The following BAZ1A variants were observed in gnomAD, a reference collection of about 807,000 sequenced individuals.
The protein encoded by BAZ1A is bromodomain adjacent to zinc finger domain 1A, also known as bromodomain adjacent to zinc finger domain protein 1A.
In BAZ1A, 50 loss-of-function variants were observed where a neutral mutation model predicts 185.2. The ratio of observed to expected loss-of-function variants is 0.27; its 90% CI spans 0.22 to 0.34. BAZ1A has a LOEUF of 0.34. Ranked by LOEUF, BAZ1A falls within the 10% of genes least tolerant of loss-of-function variation. The pLI is 1.00. For synonymous variants in BAZ1A, 571 were observed against 615.6 expected (o/e 0.93, Z 1.07); for missense variants, 1,356 against 1,839.9 (o/e 0.74, Z 4.81).
At position 34,753,204 on chromosome 14, in the gene BAZ1A, C is replaced by T. The variant is rs144717638; in HGVS notation, c.*304G>A. The stretch of plus-strand genomic sequence containing the variant: ...AAAAATCATCAATAACAAAATAAAT[C>T]GTGGGTGAAAAAATATTTTCCAAGA... On this transcript the variant is annotated 3_prime_UTR_variant, in exon 27 of 27. Coordinates refer to ENST00000360310, the MANE Select transcript of BAZ1A (RefSeq NM_013448.3). 17 of 261,738 alleles carry T rather than the reference C, an allele frequency of 6.5e-5. No homozygotes were observed. The highest frequency in any genetic ancestry group is 5.5e-4 in the South Asian group (6 of 10,812). 16.2% of individuals were successfully genotyped at this position (261,738 alleles called of 1,614,324 possible). A position where few individuals can be genotyped will look rare whatever the true frequency, so the allele number is the denominator to read the frequency against.
chr14:34,783,704 T>C (rs1220728965), intron 15 of BAZ1A, 58 bp downstream of exon 15: 5 of 1,563,496 alleles, frequency 3.2e-6, no homozygotes, highest in Non-Finnish European at 4.3e-6. Context: ...GAAATATGGT[T>C]TTAAATGCAA....
In BAZ1A at chr14:34,792,918, A is replaced by C; in HGVS notation, c.1367T>G (p.Val456Gly). The C allele has an allele frequency of 1.2e-6, 2 of 1,602,616 alleles. No homozygotes were observed. The highest frequency in any genetic ancestry group is 1.7e-6 in the Non-Finnish European group (2 of 1,177,364). ...ATTTCCTACAAGAGCTTCCTCTAAT[A>C]CTTCTGTGAATAAAATGTTTAAAAT... ...DEFPDGVTLEVLEEALVGNDS... is the reference protein window; with the variant it reads ...DEFPDGVTLEGLEEALVGNDS... Residue 456 changes from valine to glycine, a missense_variant, in exon 12 of 27, where the codon GTA becomes GGA. Val to Gly is a moderately radical substitution (Grantham distance 109, BLOSUM62 -3). Transcript: ENST00000360310.
chr14:34,872,941 A>AAAAAAAAAAAAAAC (rs1555346584), intron 2 of BAZ1A, among the ~76,000 whole-genome samples: 1 of 122,620 alleles, frequency 8.2e-6, no homozygotes, highest in African/African-American at 3.3e-5. Flanking sequence ...AAAAAAAAAA[A>AAAAAAAAAAAAAAC]CTTGTCCAAT....
rs756824697 is a variant in BAZ1A at position 34,785,811 on chromosome 14, TTTC to T, written c.1794_1796del (p.Lys599del). ...AATCATACACTGAGGTGCTTGACAGTTTCTTCACTAGACTGGGATTGCTCAAAC... is the reference window on the plus strand; with the variant it reads ...AATCATACACTGAGGTGCTTGACAGTTTCACTAGACTGGGATTGCTCAAAC... On this transcript the variant is annotated inframe_deletion, in exon 14 of 27. Transcript: ENST00000360310. The T allele has an allele frequency of 6.2e-7, 1 of 1,613,972 alleles. No individual in the cohort carries two copies.
At chr14:34,837,836 G>C (rs2042353507) in intron 3 of BAZ1A, among the ~76,000 whole-genome samples, 1 of 152,122 alleles carries the variant, frequency 6.6e-6, no homozygotes, top group Non-Finnish European at 1.5e-5. Context: ...AGATAGTCTT[G>C]CCTCCTTACA....
At chr14:34,868,922 GTGTGTA>G (rs1488429459) in intron 2 of BAZ1A, among the ~76,000 whole-genome samples, 42 of 149,688 alleles carry the variant, frequency 2.8e-4, no homozygotes, top group South Asian at 8.5e-4. Context: ...GTGTGTGTGT[GTGTGTA>G]TAATACATGT....
intron 3 of BAZ1A, among the ~76,000 whole-genome samples, chr14:34,850,091 A>G (rs2042574399): frequency 6.6e-6 from 1 of 152,184 alleles, no homozygotes; most frequent in African/African-American, 2.4e-5. Flanking sequence ...CCAAAAAAAA[A>G]AGGTCAGGCC....
intron 12 of BAZ1A, among the ~76,000 whole-genome samples, chr14:34,789,928 A>G (rs1304422197): frequency 6.6e-6 from 1 of 152,228 alleles, no homozygotes; most frequent in East Asian, 1.9e-4. Flanking sequence ...CTTATTAGCC[A>G]TGTTTCTTCA....
At chr14:34,780,912 G>C (rs578109246) in intron 16 of BAZ1A, among the ~76,000 whole-genome samples, 3 of 152,174 alleles carry the variant, frequency 2.0e-5, no homozygotes, top group Non-Finnish European at 4.4e-5. Context: ...AAAGAAGCCA[G>C]TAATAATAGT....
At chr14:34,845,964 C>T (rs1201331166) in intron 3 of BAZ1A, among the ~76,000 whole-genome samples, 1 of 151,906 alleles carries the variant, frequency 6.6e-6, no homozygotes, top group East Asian at 1.9e-4. Flanking sequence ...TTATTTTATC[C>T]AGAAGAGCCT....
In BAZ1A at chr14:34,786,144, A is replaced by G; in HGVS notation, c.1588T>C (p.Trp530Arg). ...CACATACCCTGGTGTAACTGTGGCC[A>G]TGCAGCTGCCAAAGATGCAACTGCA... Reference protein sequence around the residue: ...LSAVASLAAAWPQLHQGCSLK... With the variant: ...LSAVASLAAARPQLHQGCSLK... The change falls in exon 13 of 27, where the codon TGG becomes CGG. Residue 530 changes from tryptophan (W) to arginine (R), a missense_variant. Physicochemically the swap from Trp to Arg is moderately radical, Grantham distance 101. Around this residue, in one of 7 missense-constraint regions of BAZ1A, gnomAD observed 184 missense variants for 355.1 expected, o/e 0.52. Transcript: ENST00000360310. The G allele has an allele frequency of 6.2e-7, 1 of 1,611,496 alleles. No individual in the cohort carries two copies. Among genetic ancestry groups the G allele is most frequent in the East Asian group, 2.2e-5 (1 of 44,874 alleles).
Position 34,829,388 on chromosome 14 carries a change from A to T in BAZ1A, c.393-3232T>A, listed in dbSNP as rs72678769. On this transcript the variant is annotated intron_variant, in intron 3 of 26. Transcript: ENST00000360310. ...CTTGGGTGACTGAGTGAGACTATCT[A>T]AAAAAATAAACAAAAATAAATAAAA... is the stretch of plus-strand genomic sequence containing the variant. 7.7e-3 allele frequency among the ~76,000 whole-genome samples: 1,178 copies of T among 152,126 alleles called. 9 individuals carry two copies. Among genetic ancestry groups the T allele is most frequent in the Admixed American group, 0.014 (208 of 15,248 alleles).
chr14:34,828,562 G>C (rs1006216179), intron 3 of BAZ1A: 7 of 124,432 alleles, frequency 5.6e-5, no homozygotes, highest in Admixed American at 8.3e-5. Context: ...AATGAAAGAA[G>C]AGATCTTCAC....
At chr14:34,780,433 C>G in intron 16 of BAZ1A, 123 bp from the exon 17 acceptor site, 1 of 948,876 alleles carries the variant, frequency 1.1e-6, no homozygotes, top group Non-Finnish European at 1.5e-6. Flanking sequence ...CAACATGACA[C>G]AGTTTTGGTC....
At chr14:34,807,087 C>T (rs1199493046) in intron 6 of BAZ1A, among the ~76,000 whole-genome samples, 1 of 148,318 alleles carries the variant, frequency 6.7e-6, no homozygotes, top group Non-Finnish European at 1.5e-5. Context: ...GTTCTCTTAT[C>T]TAGTAGGCTC....
rs1371250911 is a variant in BAZ1A, at chr14:34,752,787, A to C, written c.*721T>G. ...GTTAAAAAGTTATACATAGAAACTT[A>C]TAATACAGTTCTGTAAAGCTGAAAG... On this transcript the variant is annotated 3_prime_UTR_variant, in exon 27 of 27. Transcript: ENST00000360310. 1.3e-5 allele frequency: 2 copies of C among 152,220 alleles called. No individual in the cohort carries two copies. Among genetic ancestry groups the C allele is most frequent in the African/African-American group, 4.8e-5 (2 of 41,472 alleles). The allele number at this position is 152,220 out of a possible 1,614,324, so 9.4% of individuals were successfully genotyped here.
intron 3 of BAZ1A, among the ~76,000 whole-genome samples, chr14:34,833,605 A>G (rs2138736252): frequency 6.6e-6 from 1 of 152,332 alleles, no homozygotes; most frequent in Admixed American, 6.5e-5. Flanking sequence ...AAGGACAAAT[A>G]TATGATTCCA....
chr14:34,833,298 G>T (rs566372076), intron 3 of BAZ1A, among the ~76,000 whole-genome samples: 1 of 152,202 alleles, frequency 6.6e-6, no homozygotes, highest in South Asian at 2.1e-4. Context: ...GGAGACCGAG[G>T]CGGGTGGATC....
chr14:34,781,927 T>C (rs1244635418), intron 16 of BAZ1A, among the ~76,000 whole-genome samples: 1 of 152,254 alleles, frequency 6.6e-6, no homozygotes. Context: ...TACCTTTGTT[T>C]ATCCATTCAT....
Sources: gnomAD v4.1 joint callset for allele counts (sites outside exome capture counted in the v4.1 genomes callset) on GRCh38, gnomAD v4.1.1 for gene constraint, gnomAD v4.1.1 regional missense constraint, MANE v1.5 for transcripts, NCBI Gene and HGNC (gene_info 2026-07-23, HGNC 2026-07-21) for gene names.